Variants in AFTPH observed in about 807,000 individuals in gnomAD.
AFTPH encodes the protein aftiphilin, also known as aftiphilin protein.
A neutral mutation model predicts 72.5 loss-of-function variants in AFTPH; 7 were observed. The ratio of observed to expected loss-of-function variants is 0.10; its 90% confidence interval spans 0.05 to 0.18. AFTPH has a LOEUF of 0.18. AFTPH is among the 10% of genes least tolerant of loss of function. The probability of loss-of-function intolerance (pLI) is 1.00; values close to 1 mark genes in which losing one functional copy is unlikely to be tolerated. For synonymous variants in AFTPH, 337 were observed against 370.1 expected, an observed-to-expected ratio of 0.91 and a Z score of 1.03; for missense variants, 979 against 1,060.5, an observed-to-expected ratio of 0.92 and a Z score of 1.07.
At chr2:64,556,409 T>G (rs906216896) in intron 2 of AFTPH, among the ~76,000 whole-genome samples, 1 of 152,220 alleles carries the variant, frequency 6.6e-6, no homozygotes, top group Non-Finnish European at 1.5e-5. Context: ...TCAAGTGGTT[T>G]TGTCCGAATT....
intron 7 of AFTPH, 95 bp downstream of exon 8, chr2:64,581,368 TATTCTCTATA>T (rs1401556621): frequency 1.2e-5 from 12 of 970,938 alleles, no homozygotes; most frequent in Non-Finnish European, 1.6e-5. Flanking sequence ...AAGTAGATTG[TATTCTCTATA>T]ATGTCTTTTT....
At chr2:64,533,947 T>C (rs1298403825) in intron 1 of AFTPH, among the ~76,000 whole-genome samples, 1 of 152,220 alleles carries the variant, frequency 6.6e-6, no homozygotes, top group Non-Finnish European at 1.5e-5. Flanking sequence ...AAGTGACATG[T>C]GATACTTTTC....
At position 64,552,992 on chromosome 2, in the gene AFTPH, T is replaced by A. The variant is rs771231480; in HGVS notation, c.1518T>A (p.Asn506Lys). ...CAGACCTAAAACAGACTTCTGATAA[T>A]TTATCAGAAGAATGTCAATTGGCAA... is the stretch of plus-strand genomic sequence containing the variant. Residue 506 changes from asparagine (N) to lysine (K), a missense_variant, in exon 2 of 9, where the codon AAT (asparagine) becomes AAA (lysine). By Grantham distance (94) the Asn-to-Lys change is moderately conservative. This residue lies in a region of AFTPH where 438 missense variants were observed against 530.0 expected (regional missense o/e 0.83). Transcript: ENST00000238856. The A allele has an allele frequency of 1.9e-6, 3 of 1,614,066 alleles. No individual in the cohort carries two copies. In the South Asian group the frequency reaches 3.3e-5, roughly 18 times the overall value.
chr2:64,570,099 A>C (rs1279008625), intron 5 of AFTPH, among the ~76,000 whole-genome samples: 2 of 152,194 alleles, frequency 1.3e-5, no homozygotes, highest in Non-Finnish European at 2.9e-5. Flanking sequence ...CCAAATTATA[A>C]TGAAATGAAA....
rs779750808 is a variant in AFTPH, at chr2:64,569,692, ATC to A, written c.2271+19_2271+20del. The A allele has an allele frequency of 5.0e-6, 8 of 1,611,220 alleles. No homozygotes were observed. In the East Asian group the frequency reaches 1.6e-4, roughly 31 times the overall value. ...TGCAGCAGGATTGGTAAGTACAAAA[ATC>A]TCTCTGCATGTATTTATCATTACTG... On this transcript the variant is annotated intron_variant, in intron 5 of 8. Transcript: ENST00000238856.
intron 2 of AFTPH, among the ~76,000 whole-genome samples, chr2:64,565,465 ACT>A (rs1172236452): frequency 3.3e-5 from 4 of 120,862 alleles, no homozygotes; most frequent in African/African-American, 1.4e-4. Context: ...ACAGAGCGAG[ACT>A]CTATCTCAAA....
chr2:64,592,352 TA>T (rs879897290), exon 9 of AFTPH: 70 of 172,530 alleles, frequency 4.1e-4, no homozygotes, highest in East Asian at 9.0e-4. Flanking sequence ...ACTTTTGAAA[TA>T]AAAAAAAAAC....
At chr2:64,569,064 G>A in intron 3 of AFTPH, 28 bp from the exon 4 acceptor site, 1 of 1,613,574 alleles carries the variant, frequency 6.2e-7, no homozygotes, top group Non-Finnish European at 8.5e-7. Context: ...GTAACCTGTT[G>A]TTGATGGCTT....
At chr2:64,581,410 G>T in intron 7 of AFTPH, 137 bp downstream of exon 8, 1 of 671,032 alleles carries the variant, frequency 1.5e-6, no homozygotes, top group South Asian at 2.8e-5. Context: ...TTCATCTGTT[G>T]TTATTTTCTA....
intron 6 of AFTPH, among the ~76,000 whole-genome samples, chr2:64,576,784 A>G (rs772763697): frequency 6.6e-6 from 1 of 151,934 alleles, no homozygotes; most frequent in Non-Finnish European, 1.5e-5. Flanking sequence ...TTGAAACAAG[A>G]GTTTTGCTCT....
At chr2:64,538,447 A>T (rs1670007074) in intron 1 of AFTPH, among the ~76,000 whole-genome samples, 1 of 152,206 alleles carries the variant, frequency 6.6e-6, no homozygotes. Context: ...TTACCTGTGT[A>T]CACTCCACAC....
chr2:64,532,920 A>C (rs1339896075), intron 1 of AFTPH, among the ~76,000 whole-genome samples: 3 of 152,222 alleles, frequency 2.0e-5, no homozygotes, highest in Non-Finnish European at 4.4e-5. Context: ...GAAGGCAAGG[A>C]GTAAGATCAA....
chr2:64,545,752 G>C (rs1240217002), intron 1 of AFTPH, among the ~76,000 whole-genome samples: 2 of 152,052 alleles, frequency 1.3e-5, no homozygotes, highest in African/African-American at 4.8e-5. Flanking sequence ...ACAGATTAGT[G>C]GTTGCAAGGG....
exon 7 of AFTPH, chr2:64,579,522 A>G (rs1408546422): frequency 6.2e-7 from 1 of 1,613,906 alleles, no homozygotes; most frequent in Non-Finnish European, 8.5e-7. Flanking sequence ...CTGGAGTAGC[A>G]GTGGCCTTAC....
chr2:64,579,589 A>AGAAAGCTACAAAGTTCAGACAAACTTCT, intron 7 of AFTPH, 43 bp downstream of exon 7: 2 of 1,545,948 alleles, frequency 1.3e-6, no homozygotes, highest in Non-Finnish European at 1.8e-6. Flanking sequence ...GCTAGAGTTA[A>AGAAAGCTACAAAGTTCAGACAAACTTCT]GAAAGCTACA....
At chr2:64,526,882 C>T (rs1669303713) in intron 1 of AFTPH, among the ~76,000 whole-genome samples, 1 of 152,120 alleles carries the variant, frequency 6.6e-6, no homozygotes, top group Non-Finnish European at 1.5e-5. Flanking sequence ...TAGTAGTATC[C>T]CTCATTTTTC....
At chr2:64,592,186 T>C in exon 9 of AFTPH, 1 of 643,020 alleles carries the variant, frequency 1.6e-6, no homozygotes, top group Non-Finnish European at 2.4e-6. Context: ...GTATACATAG[T>C]AATGTATATT....
At chr2:64,553,440 T>C (rs775150542) in intron 2 of AFTPH, 31 bp downstream of exon 2, 2 of 1,519,366 alleles carry the variant, frequency 1.3e-6, no homozygotes, top group East Asian at 2.3e-5. Context: ...TTTTGTATGA[T>C]GTATTAATTG....
chr2:64,590,368 C>T (rs1673752497), intron 8 of AFTPH, among the ~76,000 whole-genome samples: 1 of 152,094 alleles, frequency 6.6e-6, no homozygotes. Flanking sequence ...TTGCTGAATT[C>T]AGGGTAAATA....
Sources: gnomAD v4.1 joint callset for allele counts (sites outside exome capture counted in the v4.1 genomes callset) on GRCh38, gnomAD v4.1.1 for gene constraint, gnomAD v4.1.1 regional missense constraint, MANE v1.5 for transcripts, NCBI Gene and HGNC (gene_info 2026-07-23, HGNC 2026-07-21) for gene names.